The following GSDME variants were observed in gnomAD, a reference collection of about 807,000 sequenced individuals.
GSDME encodes gasdermin E, also known as gasdermin-E.
GSDME carries 44 observed loss-of-function variants against 47.5 expected under a neutral mutation model. That is an observed-to-expected ratio of 0.93 (90% confidence interval 0.73 to 1.19). GSDME has a LOEUF of 1.19. Ranked by LOEUF, GSDME falls within the 50% of genes most tolerant of loss-of-function variation. The pLI, the probability that GSDME is intolerant of heterozygous loss-of-function variation, is 0.00. For synonymous variants in GSDME, 258 were observed against 252.8 expected, an observed-to-expected ratio of 1.02 and a Z score of -0.20; for missense variants, 663 against 604.2, an observed-to-expected ratio of 1.10 and a Z score of -1.02.
At chr7:24,786,335 G>T in the GSDME span, among the ~76,000 whole-genome samples, 1 of 152,182 alleles carries the variant, frequency 6.6e-6, no homozygotes, top group Non-Finnish European at 1.5e-5. This position sits in a 1 kb window ranked among gnomAD's most constrained non-coding sequence, Gnocchi z 5.5. Context: ...GAAGGGAAAG[G>T]GATATTGGAA....
At chr7:24,702,445 T>C in intron 9 of GSDME, 1 of 364,050 alleles carries the variant, frequency 2.7e-6, no homozygotes, top group African/African-American at 2.1e-5. Flanking sequence ...GGCCCCTTTA[T>C]TGTAATGTAA....
Position 24,712,106 on chromosome 7 carries a change from C to A in GSDME, c.698-1718G>T, listed in dbSNP as rs1395501307. On this transcript the variant is annotated intron_variant, in intron 5 of 9. Transcript: ENST00000645220. The surrounding 1 kb of genome is among the most constrained non-coding windows in gnomAD (Gnocchi z 4.4). ...TTTGCTTGTGGGCATTAATGATGCT[C>A]ATAAAGATAGAATGGAAAAGAAAAA... Among the ~76,000 whole-genome samples the A allele has an allele frequency of 1.3e-5, 2 of 152,050 alleles. No homozygotes were observed. The highest frequency in any genetic ancestry group is 4.8e-5 in the African/African-American group (2 of 41,396).
chr7:24,777,103 C>G, the GSDME span, among the ~76,000 whole-genome samples: 1 of 151,800 alleles, frequency 6.6e-6, no homozygotes, highest in African/African-American at 2.4e-5. Flanking sequence ...AGAAAATGAA[C>G]AAAAATGCCA....
Position 24,742,670 on chromosome 7 carries a change from A to T in GSDME, c.404+1892T>A, listed in dbSNP as rs1171718030. On this transcript the variant is annotated intron_variant, in intron 3 of 9. Coordinates refer to ENST00000645220, the MANE Select transcript of GSDME (RefSeq NM_001127453.2). The surrounding 1 kb of genome is among the most constrained non-coding windows in gnomAD (Gnocchi z 4.4). ...CCAAACTGTGCTTCTTGAAATAGAA[A>T]TAACGAGACTGCAAAGCGCATCTAA... is the stretch of plus-strand genomic sequence containing the variant. Among the ~76,000 whole-genome samples the T allele has an allele frequency of 6.6e-6, 1 of 152,226 alleles. No individual in the cohort carries two copies. Among genetic ancestry groups the T allele is most frequent in the African/African-American group, 2.4e-5 (1 of 41,464 alleles).
At position 24,712,951 on chromosome 7, in the gene GSDME, G is replaced by C. The variant is rs1789411698; in HGVS notation, c.698-2563C>G. 6.6e-6 allele frequency among the ~76,000 whole-genome samples: 1 copy of C among 151,578 alleles called. No homozygotes were observed. The highest frequency in any genetic ancestry group is 2.4e-5 in the African/African-American group (1 of 41,194). ...GAGAATCGTTTGAACCTGGGAGGCG[G>C]AGGTTGTGGTGAGCCAAGATCGCAC... is the stretch of plus-strand genomic sequence containing the variant. On this transcript the variant is annotated intron_variant, in intron 5 of 9. Coordinates refer to ENST00000645220, the MANE Select transcript of GSDME (RefSeq NM_001127453.2). The surrounding 1 kb of genome is among the most constrained non-coding windows in gnomAD (Gnocchi z 4.4).
In GSDME at chr7:24,714,961, ACTGT is replaced by A. The variant is rs1189659839; in HGVS notation, c.697+2289_697+2292del. Among the ~76,000 whole-genome samples the A allele has an allele frequency of 6.6e-6, 1 of 152,244 alleles. No individual in the cohort carries two copies. Among genetic ancestry groups the A allele is most frequent in the Non-Finnish European group, 1.5e-5 (1 of 68,046 alleles). The stretch of plus-strand genomic sequence containing the variant: ...ACAGCCAAGATACGGAAATAATGTA[ACTGT>A]CTGTTGATGGACAAATAGATAAAGA... On this transcript the variant is annotated intron_variant, in intron 5 of 9. Coordinates refer to ENST00000645220, the MANE Select transcript of GSDME (RefSeq NM_001127453.2). The surrounding 1 kb of genome is among the most constrained non-coding windows in gnomAD (Gnocchi z 5.0).
Position 24,735,711 on chromosome 7 carries a change from T to C in GSDME, c.404+8851A>G, listed in dbSNP as rs1165172623. Among the ~76,000 whole-genome samples, 2 of 151,896 alleles carry C rather than the reference T, an allele frequency of 1.3e-5. No homozygotes were observed. The highest frequency in any genetic ancestry group is 2.9e-5 in the Non-Finnish European group (2 of 67,948). On this transcript the variant is annotated intron_variant, in intron 3 of 9. Transcript: ENST00000645220. The surrounding 1 kb of genome is among the most constrained non-coding windows in gnomAD (Gnocchi z 4.4). ...AGGTAGAGGTTGCGATGAGCCGAGATTGCACCACTGCACTCCAGCCTGGGT... is the reference window on the plus strand; with the variant it reads ...AGGTAGAGGTTGCGATGAGCCGAGACTGCACCACTGCACTCCAGCCTGGGT...
chr7:24,700,313 TATTTG>T (rs1562682561), intron 9 of GSDME, among the ~76,000 whole-genome samples: 2 of 152,158 alleles, frequency 1.3e-5, no homozygotes, highest in African/African-American at 2.4e-5. Context: ...ATACTTGAAA[TATTTG>T]ATTTGCTTTT....
the GSDME span, among the ~76,000 whole-genome samples, chr7:24,782,515 C>T: frequency 1.3e-5 from 2 of 152,074 alleles, no homozygotes; most frequent in South Asian, 2.1e-4. Context: ...TGAGTAGTGC[C>T]ACAATAAACA....
chr7:24,783,138 A>C, the GSDME span, among the ~76,000 whole-genome samples: 1 of 152,226 alleles, frequency 6.6e-6, no homozygotes, highest in Non-Finnish European at 1.5e-5. Context: ...GAAAGAGGAA[A>C]AGGTAAACAG....
At chr7:24,715,624 C>G in intron 5 of GSDME, 1 of 355,240 alleles carries the variant, frequency 2.8e-6, no homozygotes, top group Non-Finnish European at 5.8e-6. Flanking sequence ...ATACAGATAA[C>G]AGAGACTAGA....
At chr7:24,700,858 T>TA (rs1788836167) in intron 9 of GSDME, among the ~76,000 whole-genome samples, 1 of 152,196 alleles carries the variant, frequency 6.6e-6, no homozygotes, top group Non-Finnish European at 1.5e-5. Context: ...TCCCTGTCCT[T>TA]ACCACCTGGT....
rs79065450 is a variant in GSDME, at chr7:24,751,585, C to G, written c.-19-1792G>C. Among the ~76,000 whole-genome samples, 1,019 of 152,258 alleles carry G rather than the reference C, an allele frequency of 6.7e-3. 11 individuals carry two copies. Among genetic ancestry groups the G allele is most frequent in the African/African-American group, 0.023 (975 of 41,534 alleles). On this transcript the variant is annotated intron_variant, in intron 1 of 9. Coordinates refer to ENST00000645220, the MANE Select transcript of GSDME (RefSeq NM_001127453.2). The stretch of plus-strand genomic sequence containing the variant: ...CTGACCCTGTTCTTGTATATTAACA[C>G]TAGGAATGAACATTTAAGGAAAAAA...
Position 24,705,226 on chromosome 7 carries a change from T to G in GSDME, c.1183+958A>C, listed in dbSNP as rs1417485375. On this transcript the variant is annotated intron_variant, in intron 8 of 9. Transcript: ENST00000645220. The surrounding 1 kb of genome is among the most constrained non-coding windows in gnomAD (Gnocchi z 4.1). The stretch of plus-strand genomic sequence containing the variant: ...AGACTCTAATACCCGGATGTTAACA[T>G]TGGGAGAAAGTCTCTAGTGGAGTTC... 3 of 152,196 alleles carry G rather than the reference T, an allele frequency of 2.0e-5. No homozygotes were observed. Among genetic ancestry groups the G allele is most frequent in the Non-Finnish European group, 4.4e-5 (3 of 68,036 alleles). 9.4% of individuals were successfully genotyped at this position (152,196 alleles called of 1,614,324 possible).
At chr7:24,707,516 C>A (rs560819979) in intron 7 of GSDME, 7 of 451,090 alleles carry the variant, frequency 1.6e-5, no homozygotes, top group South Asian at 3.3e-5. Flanking sequence ...GACCCCCTTG[C>A]AGTAGTCTGA....
rs1318901215 is a variant in GSDME, at chr7:24,756,654, G to A, written c.-20+742C>T. Among the ~76,000 whole-genome samples the A allele has an allele frequency of 6.6e-6, 1 of 152,178 alleles. No individual in the cohort carries two copies. Among genetic ancestry groups the A allele is most frequent in the Admixed American group, 6.5e-5 (1 of 15,278 alleles). ...GGACAGAGTAGACTCTGGAGGAGTG[G>A]GTGGTCGGTGTGTTCAGTCCACAAC... On this transcript the variant is annotated intron_variant, in intron 1 of 9. Coordinates refer to ENST00000645220, the MANE Select transcript of GSDME (RefSeq NM_001127453.2). This position sits in a 1 kb window ranked among gnomAD's most constrained non-coding sequence, Gnocchi z 4.2.
At chr7:24,782,335 C>G in the GSDME span, among the ~76,000 whole-genome samples, 2 of 151,162 alleles carry the variant, frequency 1.3e-5, no homozygotes, top group African/African-American at 2.4e-5. Context: ...TTTGTCCTTG[C>G]GATAGTTTGC....
intron 8 of GSDME, chr7:24,704,853 G>C (rs566309614): frequency 2.0e-5 from 3 of 151,898 alleles, no homozygotes; most frequent in African/African-American, 4.8e-5. Context: ...CACCATGCCT[G>C]GCTAATTTAT....
chr7:24,733,467 G>C lies in GSDME; in HGVS notation c.404+11095C>G, dbSNP rs1790207564. ...TAAGCACAGTGGGGTAGAGCACCAA[G>C]CAAGCCCTTCAAGTCTCTGATTCCA... On this transcript the variant is annotated intron_variant, in intron 3 of 9. Transcript: ENST00000645220. The surrounding 1 kb of genome is among the most constrained non-coding windows in gnomAD (Gnocchi z 4.3). Among the ~76,000 whole-genome samples the C allele has an allele frequency of 6.6e-6, 1 of 152,158 alleles. No individual in the cohort carries two copies. Among genetic ancestry groups the C allele is most frequent in the South Asian group, 2.1e-4 (1 of 4,834 alleles).
Sources: allele counts gnomAD v4.1 joint callset (sites outside exome capture counted in the v4.1 genomes callset), GRCh38; gene constraint gnomAD v4.1.1; non-coding constraint Gnocchi (gnomAD v3.1); transcripts MANE v1.5; gene names NCBI Gene and HGNC (gene_info 2026-07-23, HGNC 2026-07-21).